Variants in CACNA2D3 observed in about 807,000 individuals in gnomAD.
CACNA2D3 encodes calcium voltage-gated channel auxiliary subunit alpha2delta 3, also known as voltage-dependent calcium channel subunit alpha-2/delta-3.
CACNA2D3 carries 60 observed loss-of-function variants against 160.6 expected under a neutral mutation model. The ratio of observed to expected loss-of-function variants is 0.37; its 90% CI spans 0.30 to 0.46. The LOEUF (loss-of-function observed/expected upper bound fraction) is 0.46, where lower values mean the gene tolerates loss of function less well. Ranked by LOEUF, CACNA2D3 falls within the 20% of genes least tolerant of loss-of-function variation. The pLI is 1.00. For missense variants in CACNA2D3, 1,205 were observed against 1,365.0 expected (o/e 0.88, Z 1.85); for synonymous variants, 558 against 492.9 (o/e 1.13, Z -1.75).
intron 16 of CACNA2D3, among the ~76,000 whole-genome samples, chr3:54,844,524 A>G (rs185876274): frequency 8.5e-5 from 13 of 152,222 alleles, no homozygotes; most frequent in African/African-American, 9.6e-5. Context: ...AGTTTCTTCT[A>G]TTGTTTCCCT....
At chr3:54,809,715 C>G (rs1451045146) in intron 13 of CACNA2D3, among the ~76,000 whole-genome samples, 5 of 151,116 alleles carry the variant, frequency 3.3e-5, no homozygotes, top group Admixed American at 3.3e-4. Flanking sequence ...CCTCCTTCCT[C>G]TCTCCCCCCT....
intron 11 of CACNA2D3, among the ~76,000 whole-genome samples, chr3:54,741,240 C>T (rs1701641761): frequency 6.6e-6 from 1 of 152,204 alleles, no homozygotes; most frequent in Non-Finnish European, 1.5e-5. Flanking sequence ...GTTATACTCT[C>T]AGACCTTTCC....
chr3:54,460,341 A>G (rs1395995847), intron 4 of CACNA2D3, among the ~76,000 whole-genome samples: 1 of 152,210 alleles, frequency 6.6e-6, no homozygotes, highest in African/African-American at 2.4e-5. Flanking sequence ...AGGGGATGGC[A>G]TTGAATCTAT....
intron 2 of CACNA2D3, among the ~76,000 whole-genome samples, chr3:54,245,300 TGTGTATGG>T (rs896389420): frequency 2.6e-5 from 4 of 151,736 alleles, no homozygotes; most frequent in African/African-American, 9.7e-5. Context: ...TAAGTGTGCA[TGTGTATGG>T]GTGTGTGTGT....
At chr3:54,643,916 G>C (rs937199903) in intron 11 of CACNA2D3, among the ~76,000 whole-genome samples, 1 of 152,150 alleles carries the variant, frequency 6.6e-6, no homozygotes, top group Non-Finnish European at 1.5e-5. Context: ...TCAAATGATG[G>C]TGAAGGATAT....
intron 31 of CACNA2D3, among the ~76,000 whole-genome samples, chr3:54,993,054 A>T (rs527478997): frequency 6.6e-6 from 1 of 152,252 alleles, no homozygotes; most frequent in East Asian, 1.9e-4. Flanking sequence ...CAAGGGGGGA[A>T]ATCTGCCCCC....
At chr3:54,939,237 C>T (rs1451528871) in intron 27 of CACNA2D3, among the ~76,000 whole-genome samples, 1 of 152,176 alleles carries the variant, frequency 6.6e-6, no homozygotes, top group African/African-American at 2.4e-5. Context: ...TATTTCTCCA[C>T]CACTCCAGGG....
intron 17 of CACNA2D3, among the ~76,000 whole-genome samples, chr3:54,871,179 G>GGA (rs1484303589): frequency 3.2e-5 from 4 of 126,796 alleles, no homozygotes; most frequent in African/African-American, 1.4e-4. Context: ...CCATATAGGT[G>GGA]GAGACACACA....
At chr3:54,822,832 T>C (rs56298483) in intron 14 of CACNA2D3, among the ~76,000 whole-genome samples, 7,744 of 55,762 alleles carry the variant, frequency 0.14, 587 homozygotes, top group Non-Finnish European at 0.16. Context: ...TCTTTCTTTC[T>C]TTTCTTTCTT....
chr3:54,579,433 A>C (rs1258754216), intron 8 of CACNA2D3, among the ~76,000 whole-genome samples: 1 of 152,204 alleles, frequency 6.6e-6, no homozygotes, highest in Non-Finnish European at 1.5e-5. Context: ...CATCCCAAGC[A>C]GGAAGAAAAG....
chr3:54,559,985 T>G (rs1702300243), intron 5 of CACNA2D3, among the ~76,000 whole-genome samples: 1 of 152,268 alleles, frequency 6.6e-6, no homozygotes, highest in East Asian at 1.9e-4. Flanking sequence ...TTTCTTATCA[T>G]TGATGGACAT....
intron 2 of CACNA2D3, among the ~76,000 whole-genome samples, chr3:54,283,717 C>T (rs1044651355): frequency 2.0e-5 from 3 of 152,134 alleles, no homozygotes; most frequent in African/African-American, 4.8e-5. Flanking sequence ...AACCTGATAA[C>T]GACAGTGTTG....
chr3:54,832,011 T>TCATACACACACACA (rs373556430), intron 14 of CACNA2D3, among the ~76,000 whole-genome samples: 3,121 of 118,866 alleles, frequency 0.026, 231 homozygotes, highest in Admixed American at 0.037. Flanking sequence ...CTCTTCTCTG[T>TCATACACACACACA]CACACACACA....
At position 54,214,005 on chromosome 3, in the gene CACNA2D3, TTGGCATTTTAAG is replaced by T. The variant is rs1701421490; in HGVS notation, c.204+90415_204+90426del. Among the ~76,000 whole-genome samples the T allele has an allele frequency of 5.9e-5, 9 of 152,276 alleles. No individual in the cohort carries two copies. The South Asian group carries it at 1.9e-3, about 32-fold the overall frequency. On this transcript the variant is annotated intron_variant, in intron 2 of 37. Transcript: ENST00000474759. ...TACTGTAGTGGGGATGCCCTGAACC[TTGGCATTTTAAG>T]TGGAAATATGGGGATGCAGGTATTT...
Position 54,428,580 on chromosome 3 carries a change from C to CT in CACNA2D3, c.381+41819dup, listed in dbSNP as rs76169167. Reference sequence around the variant, plus strand: ...AAAAATCTGGAACTTTGATATATTTCTTTTTTTTTTTTTCACCTTTTACTT... The same window carrying CT: ...AAAAATCTGGAACTTTGATATATTTCTTTTTTTTTTTTTTCACCTTTTACTT... On this transcript the variant is annotated intron_variant, in intron 4 of 37. Transcript: ENST00000474759. 6.0e-3 allele frequency among the ~76,000 whole-genome samples: 869 copies of CT among 143,754 alleles called. 3 individuals carry two copies. The highest frequency in any genetic ancestry group is 0.018 in the African/African-American group (698 of 39,412). 94.3% of individuals were successfully genotyped at this position (143,754 alleles called of 152,430 possible).
chr3:54,804,780 G>A (rs959326461), intron 13 of CACNA2D3, among the ~76,000 whole-genome samples: 4 of 152,160 alleles, frequency 2.6e-5, no homozygotes, highest in African/African-American at 9.6e-5. Flanking sequence ...ACCTATTCCA[G>A]AATTGACCAC....
chr3:54,261,819 A>C (rs1348231630), intron 2 of CACNA2D3, among the ~76,000 whole-genome samples: 1 of 152,180 alleles, frequency 6.6e-6, no homozygotes, highest in South Asian at 2.1e-4. Context: ...ACACAGTTAT[A>C]CTTTGAAGGA....
intron 11 of CACNA2D3, among the ~76,000 whole-genome samples, chr3:54,688,393 CT>C (rs1273024786): frequency 6.6e-6 from 1 of 151,442 alleles, no homozygotes; most frequent in East Asian, 2.0e-4. Flanking sequence ...TTTCCTGTGC[CT>C]TTTTTCCTAT....
At chr3:54,443,201 GA>G (rs1364571180) in intron 4 of CACNA2D3, among the ~76,000 whole-genome samples, 2 of 152,166 alleles carry the variant, frequency 1.3e-5, no homozygotes, top group East Asian at 3.9e-4. Flanking sequence ...ATAGTCGGGG[GA>G]TATGGGGCAG....
Sources: allele counts gnomAD v4.1 joint callset (sites outside exome capture counted in the v4.1 genomes callset), GRCh38; gene constraint gnomAD v4.1.1; transcripts MANE v1.5; gene names NCBI Gene and HGNC (gene_info 2026-07-23, HGNC 2026-07-21).